CARMIL1: variants seen among roughly 807,000 people sequenced by gnomAD.
CARMIL1 encodes F-actin-uncapping protein LRRC16A.
CARMIL1 carries 90 observed loss-of-function variants against 177.1 expected under a neutral mutation model. That is an observed-to-expected ratio of 0.51 (90% CI 0.43 to 0.61). The LOEUF (loss-of-function observed/expected upper bound fraction) is 0.61, where lower values mean the gene tolerates loss of function less well. Ranked by LOEUF, CARMIL1 falls within the 20% of genes least tolerant of loss-of-function variation. CARMIL1 has a pLI of 0.00. For synonymous variants in CARMIL1, 577 were observed against 606.2 expected (o/e 0.95, Z 0.71); for missense variants, 1,380 against 1,667.0 (o/e 0.83, Z 3.00).
intron 2 of CARMIL1, among the ~76,000 whole-genome samples, chr6:25,364,603 A>G (rs1225028865): frequency 6.8e-6 from 1 of 147,458 alleles, no homozygotes; most frequent in African/African-American, 2.5e-5. Flanking sequence ...CTGTCTTGTC[A>G]CCCAGACTGG....
chr6:25,453,635 A>G (rs576316865), intron 8 of CARMIL1, among the ~76,000 whole-genome samples: 1 of 152,230 alleles, frequency 6.6e-6, no homozygotes, highest in South Asian at 2.1e-4. Context: ...AGCTTGTGCC[A>G]GTGAAGACTC....
At chr6:25,540,411 G>C (rs1189435089) in intron 26 of CARMIL1, among the ~76,000 whole-genome samples, 2 of 152,172 alleles carry the variant, frequency 1.3e-5, no homozygotes, top group African/African-American at 4.8e-5. Context: ...AGAGAATGGG[G>C]AAAATGATAG....
chr6:25,427,537 G>T (rs1039149350), intron 4 of CARMIL1, among the ~76,000 whole-genome samples: 3 of 152,144 alleles, frequency 2.0e-5, no homozygotes, highest in Non-Finnish European at 4.4e-5. Flanking sequence ...ACAAGTTTTT[G>T]ATTGGACCTG....
intron 4 of CARMIL1, among the ~76,000 whole-genome samples, chr6:25,433,871 A>T (rs941633273): frequency 6.6e-6 from 1 of 152,212 alleles, no homozygotes; most frequent in Non-Finnish European, 1.5e-5. Context: ...TTTGACATAC[A>T]TATGTTGAAA....
intron 18 of CARMIL1, among the ~76,000 whole-genome samples, chr6:25,510,005 A>G (rs1179334648): frequency 1.3e-5 from 2 of 152,200 alleles, no homozygotes; most frequent in African/African-American, 4.8e-5. Context: ...AGTACATTGA[A>G]AAGGGTCTGA....
chr6:25,362,018 C>A (rs1581686664), intron 2 of CARMIL1, among the ~76,000 whole-genome samples: 1 of 151,924 alleles, frequency 6.6e-6, no homozygotes, highest in African/African-American at 2.4e-5. Context: ...TTAAAAAATT[C>A]TTTTGAAAAA....
chr6:25,577,286 T>G lies in CARMIL1; in HGVS notation c.2743-3638T>G, dbSNP rs1024311079. 6.6e-6 allele frequency among the ~76,000 whole-genome samples: 1 copy of G among 152,168 alleles called. No homozygotes were observed. Among genetic ancestry groups the G allele is most frequent in the Non-Finnish European group, 1.5e-5 (1 of 68,022 alleles). On this transcript the variant is annotated intron_variant, in intron 29 of 36. Coordinates refer to ENST00000329474, the MANE Select transcript of CARMIL1 (RefSeq NM_017640.6). The surrounding 1 kb of genome is among the most constrained non-coding windows in gnomAD (Gnocchi z 4.5). ...AAGAGGAGACAAGTGCTTATTCCAC[T>G]CATGTAATAATAACAATAATAAAGA...
Position 25,500,284 on chromosome 6 carries a change from G to A in CARMIL1, c.1395+49G>A, listed in dbSNP as rs768768486. 3.1e-5 allele frequency: 47 copies of A among 1,524,130 alleles called. No individual in the cohort carries two copies. The Middle Eastern group carries it at 1.2e-3, about 38-fold the overall frequency. 94.4% of individuals were successfully genotyped at this position (1,524,130 alleles called of 1,614,324 possible). ...ACTGGAATAGATAATAGCCTCAACC[G>A]CTTTGCCTTTTTCCTGGATAAAATT... On this transcript the variant is annotated intron_variant, in intron 17 of 36. Transcript: ENST00000329474.
At chr6:25,459,275 T>TCTCTCTCTCTCTCTTTCTTTC (rs1272799059) in intron 8 of CARMIL1, among the ~76,000 whole-genome samples, 1 of 141,430 alleles carries the variant, frequency 7.1e-6, no homozygotes, top group East Asian at 2.1e-4. Context: ...TCTTTTTTTT[T>TCTCTCTCTCTCTCTTTCTTTC]TTTTTAAGAC....
intron 35 of CARMIL1, among the ~76,000 whole-genome samples, chr6:25,607,417 A>G (rs1256468172): frequency 1.3e-5 from 2 of 152,132 alleles, no homozygotes; most frequent in African/African-American, 4.8e-5. Flanking sequence ...TTGGCACTAT[A>G]GTAAGTGCTT....
At chr6:25,607,074 G>A (rs1816040933) in intron 35 of CARMIL1, among the ~76,000 whole-genome samples, 1 of 151,808 alleles carries the variant, frequency 6.6e-6, no homozygotes, top group Admixed American at 6.6e-5. Flanking sequence ...CTTGAGCCTA[G>A]GAATTTAGGC....
At chr6:25,421,882 A>AG (rs1239645541) in intron 3 of CARMIL1, among the ~76,000 whole-genome samples, 12 of 54,938 alleles carry the variant, frequency 2.2e-4, no homozygotes, top group South Asian at 7.9e-4. Context: ...GGGTGGGGGG[A>AG]GGGGGGGAGG....
rs895233186 is a variant in CARMIL1, at chr6:25,558,156, C to G, written c.2742+1306C>G. On this transcript the variant is annotated intron_variant, in intron 29 of 36. Transcript: ENST00000329474. This position sits in a 1 kb window ranked among gnomAD's most constrained non-coding sequence, Gnocchi z 4.1. ...GACACTATGTTATAGGATAATTGTT[C>G]TGGAAAGCTCTTAGACTAGCCCTAA... Among the ~76,000 whole-genome samples the G allele has an allele frequency of 6.6e-6, 1 of 152,008 alleles. No homozygotes were observed. Among genetic ancestry groups the G allele is most frequent in the African/African-American group, 2.4e-5 (1 of 41,392 alleles).
intron 31 of CARMIL1, among the ~76,000 whole-genome samples, chr6:25,590,945 T>G (rs922604277): frequency 2.6e-5 from 4 of 152,212 alleles, no homozygotes; most frequent in Non-Finnish European, 5.9e-5. Flanking sequence ...TTTTATTATA[T>G]TTTCTTCATT....
intron 11 of CARMIL1, chr6:25,472,743 A>AT (rs1801200756): frequency 1.9e-6 from 1 of 524,454 alleles, no homozygotes; most frequent in African/African-American, 1.9e-5. Flanking sequence ...GGAAAGGAAG[A>AT]TATTATTTTT....
chr6:25,311,691 A>G (rs1390739055), intron 2 of CARMIL1, among the ~76,000 whole-genome samples: 6 of 151,876 alleles, frequency 4.0e-5, no homozygotes, highest in Admixed American at 6.6e-5. Flanking sequence ...CATCCCCCCA[A>G]CCTGCAAAGG....
In CARMIL1 at chr6:25,279,700, A is replaced by G. The variant is rs1387268707; in HGVS notation, c.-96A>G. On this transcript the variant is annotated 5_prime_UTR_variant, in exon 1 of 37. Coordinates refer to ENST00000329474, the MANE Select transcript of CARMIL1 (RefSeq NM_017640.6). Reference sequence around the variant, plus strand: ...TTGCCCACTTCCATTTGCAAGCTGCATCTGCCTCTCTAAAAAAATTGAGGA... The same window carrying G: ...TTGCCCACTTCCATTTGCAAGCTGCGTCTGCCTCTCTAAAAAAATTGAGGA... The G allele has an allele frequency of 8.5e-7, 1 of 1,170,990 alleles. No individual in the cohort carries two copies. Among genetic ancestry groups the G allele is most frequent in the East Asian group, 2.3e-5 (1 of 42,714 alleles). The allele number at this position is 1,170,990 out of a possible 1,614,324, so 72.5% of individuals were successfully genotyped here.
intron 11 of CARMIL1, among the ~76,000 whole-genome samples, chr6:25,480,921 C>T (rs1412365167): frequency 8.6e-5 from 13 of 151,764 alleles, no homozygotes. Context: ...GGGGTTTCAC[C>T]GTGTTAGCCA....
intron 2 of CARMIL1, among the ~76,000 whole-genome samples, chr6:25,367,782 G>A (rs928316734): frequency 1.3e-5 from 2 of 152,072 alleles, no homozygotes; most frequent in South Asian, 2.1e-4. Context: ...AAACCCCGAC[G>A]GAGCCTCGGT....
Sources: gnomAD v4.1 joint callset for allele counts (sites outside exome capture counted in the v4.1 genomes callset) on GRCh38, gnomAD v4.1.1 for gene constraint, Gnocchi (gnomAD v3.1) non-coding constraint, MANE v1.5 for transcripts, NCBI Gene and HGNC (gene_info 2026-07-23, HGNC 2026-07-21) for gene names.